Variants in ITFG1 observed in about 807,000 individuals in gnomAD.
ITFG1 encodes integrin alpha FG-GAP repeat containing 1.
ITFG1 carries 34 observed loss-of-function variants against 81.8 expected under a neutral mutation model. The ratio of observed to expected loss-of-function variants is 0.42; its 90% CI spans 0.32 to 0.55. The LOEUF (loss-of-function observed/expected upper bound fraction) is 0.55. ITFG1 is among the 20% of genes least tolerant of loss of function. ITFG1 has a pLI of 0.17. For synonymous variants in ITFG1, 285 were observed against 270.6 expected (o/e 1.05, Z -0.52); for missense variants, 672 against 755.4 (o/e 0.89, Z 1.29).
At chr16:47,164,848 G>A (rs961165387) in intron 14 of ITFG1, among the ~76,000 whole-genome samples, 8 of 152,244 alleles carry the variant, frequency 5.3e-5, no homozygotes, top group African/African-American at 1.4e-4. Context: ...CTGTGAAGCC[G>A]CTGGCTTTCC....
At chr16:47,411,890 T>C (rs1411730506) in intron 6 of ITFG1, among the ~76,000 whole-genome samples, 1 of 152,160 alleles carries the variant, frequency 6.6e-6, no homozygotes, top group East Asian at 1.9e-4. Flanking sequence ...TGCTACACAT[T>C]ACTTTTAAGT....
chr16:47,405,529 A>T (rs1489067587), intron 6 of ITFG1, among the ~76,000 whole-genome samples: 1 of 152,216 alleles, frequency 6.6e-6, no homozygotes, highest in Non-Finnish European at 1.5e-5. Context: ...TGGTTAAAAA[A>T]TTTTATGTTA....
intron 14 of ITFG1, among the ~76,000 whole-genome samples, chr16:47,203,573 G>A (rs895147302): frequency 2.6e-5 from 4 of 152,156 alleles, no homozygotes; most frequent in Admixed American, 1.3e-4. Flanking sequence ...CATAAGGAGC[G>A]TGCAGCCCAG....
intron 10 of ITFG1, among the ~76,000 whole-genome samples, chr16:47,273,633 G>A (rs760485344): frequency 6.6e-6 from 1 of 152,022 alleles, no homozygotes; most frequent in Non-Finnish European, 1.5e-5. Flanking sequence ...AATGAAAAAA[G>A]GAAGCGAGCA....
chr16:47,227,941 C>T (rs981765689), intron 13 of ITFG1, among the ~76,000 whole-genome samples: 3 of 152,040 alleles, frequency 2.0e-5, no homozygotes, highest in Non-Finnish European at 2.9e-5. Flanking sequence ...TCTTCATTAA[C>T]GTTAGCTGTA....
At chr16:47,253,714 G>T (rs1487981732) in intron 12 of ITFG1, among the ~76,000 whole-genome samples, 1 of 152,184 alleles carries the variant, frequency 6.6e-6, no homozygotes, top group Non-Finnish European at 1.5e-5. Context: ...TAGGCGTCGT[G>T]CTCCTATGAG....
chr16:47,255,069 A>C (rs182680226), intron 12 of ITFG1, among the ~76,000 whole-genome samples: 1 of 152,360 alleles, frequency 6.6e-6, no homozygotes, highest in Admixed American at 6.5e-5. Flanking sequence ...TCTGGGCAAT[A>C]GACCGAGACT....
chr16:47,293,451 A>G (rs1211934381), intron 10 of ITFG1, among the ~76,000 whole-genome samples: 1 of 151,998 alleles, frequency 6.6e-6, no homozygotes, highest in East Asian at 1.9e-4. Context: ...ATACAGGTGT[A>G]CTAATAAACA....
At chr16:47,376,975 A>AT (rs1968333703) in intron 6 of ITFG1, among the ~76,000 whole-genome samples, 1 of 150,832 alleles carries the variant, frequency 6.6e-6, no homozygotes, top group African/African-American at 2.4e-5. Context: ...AAAAAAAAAA[A>AT]AAAAAAAAAA....
chr16:47,421,288 A>G (rs1371753715), intron 6 of ITFG1, among the ~76,000 whole-genome samples: 1 of 150,658 alleles, frequency 6.6e-6, no homozygotes, highest in African/African-American at 2.5e-5. Context: ...ACACACACAC[A>G]CACACACACA....
In ITFG1 at chr16:47,409,575, C is replaced by A. The variant is rs1391483086; in HGVS notation, c.655+19229G>T. ...GGATTACAGGCGCACACCACCACAC[C>A]CAGCTAATTTTTGTATTTTTTTTTG... On this transcript the variant is annotated intron_variant, in intron 6 of 17. Coordinates refer to ENST00000320640, the MANE Select transcript of ITFG1 (RefSeq NM_030790.5). 2.7e-5 allele frequency among the ~76,000 whole-genome samples: 4 copies of A among 149,362 alleles called. No homozygotes were observed. The East Asian group carries it at 7.9e-4, about 30-fold the overall frequency.
intron 10 of ITFG1, among the ~76,000 whole-genome samples, chr16:47,280,649 C>T (rs373284454): frequency 6.6e-6 from 1 of 152,134 alleles, no homozygotes; most frequent in African/African-American, 2.4e-5. Flanking sequence ...GCTATCTCAT[C>T]TATCTTGAGT....
intron 2 of ITFG1, among the ~76,000 whole-genome samples, chr16:47,455,756 G>C (rs1024156319): frequency 5.3e-5 from 6 of 113,708 alleles, no homozygotes; most frequent in African/African-American, 2.1e-4. Context: ...CTGGGCAACA[G>C]AGCAAGACTC....
chr16:47,276,794 A>T (rs1567443542), intron 10 of ITFG1, among the ~76,000 whole-genome samples: 1 of 152,212 alleles, frequency 6.6e-6, no homozygotes, highest in Non-Finnish European at 1.5e-5. Flanking sequence ...CTCATTAAGC[A>T]TGGGGACAAC....
intron 14 of ITFG1, among the ~76,000 whole-genome samples, chr16:47,187,983 A>G (rs1596795443): frequency 6.6e-6 from 1 of 152,186 alleles, no homozygotes; most frequent in African/African-American, 2.4e-5. Flanking sequence ...AAAAGAAGAC[A>G]TTTATGCAGC....
intron 6 of ITFG1, among the ~76,000 whole-genome samples, chr16:47,420,679 A>G (rs1282854337): frequency 2.6e-5 from 4 of 152,198 alleles, no homozygotes; most frequent in South Asian, 2.1e-4. Flanking sequence ...CTCGTGTCCT[A>G]TTTTTTGCTA....
intron 12 of ITFG1, among the ~76,000 whole-genome samples, chr16:47,251,793 TAATAA>T (rs1388177466): frequency 1.3e-5 from 2 of 152,220 alleles, no homozygotes; most frequent in Non-Finnish European, 2.9e-5. Flanking sequence ...AATAAACTAA[TAATAA>T]AATAGAACAA....
At chr16:47,347,039 C>T (rs1229322481) in intron 8 of ITFG1, among the ~76,000 whole-genome samples, 2 of 152,192 alleles carry the variant, frequency 1.3e-5, no homozygotes, top group African/African-American at 4.8e-5. Flanking sequence ...TTCAACAACA[C>T]ATTAAAGATT....
chr16:47,256,619 G>T (rs1254790102), intron 12 of ITFG1, among the ~76,000 whole-genome samples: 1 of 152,056 alleles, frequency 6.6e-6, no homozygotes, highest in African/African-American at 2.4e-5. Context: ...GCAAAAGAGA[G>T]GACATGGATA....
Sources: gnomAD v4.1 joint callset for allele counts (sites outside exome capture counted in the v4.1 genomes callset) on GRCh38, gnomAD v4.1.1 for gene constraint, MANE v1.5 for transcripts, NCBI Gene and HGNC (gene_info 2026-07-23, HGNC 2026-07-21) for gene names.